KAZN: variants seen among roughly 807,000 people sequenced by gnomAD.
KAZN encodes the protein kazrin.
KAZN carries 40 observed loss-of-function variants against 87.4 expected under a neutral mutation model. The ratio of observed to expected loss-of-function variants is 0.46; its 90% confidence interval spans 0.36 to 0.60. The LOEUF (loss-of-function observed/expected upper bound fraction) is 0.60. KAZN is among the 20% of genes least tolerant of loss of function. The pLI, the probability that KAZN is intolerant of heterozygous loss-of-function variation, is 0.00. For missense variants in KAZN, 898 were observed against 1,073.9 expected, an observed-to-expected ratio of 0.84 and a Z score of 2.29; for synonymous variants, 466 against 458.3, an observed-to-expected ratio of 1.02 and a Z score of -0.22.
At chr1:14,251,169 C>G (rs1389720089) in intron 2 of KAZN, among the ~76,000 whole-genome samples, 4 of 152,162 alleles carry the variant, frequency 2.6e-5, no homozygotes, top group African/African-American at 4.8e-5. Context: ...ATTCCATCCA[C>G]GGAATGGGGA....
intron 1 of KAZN, among the ~76,000 whole-genome samples, chr1:14,621,778 C>T (rs148690633): frequency 6.6e-6 from 1 of 152,336 alleles, no homozygotes; most frequent in Non-Finnish European, 1.5e-5. Flanking sequence ...TAAGATGTGA[C>T]TTTGCGCCTC....
chr1:15,028,656 G>A (rs577895823), intron 2 of KAZN, among the ~76,000 whole-genome samples: 3 of 152,310 alleles, frequency 2.0e-5, no homozygotes, highest in African/African-American at 4.8e-5. Context: ...TTGTGTACAC[G>A]ACAGAACTTG....
intron 1 of KAZN, among the ~76,000 whole-genome samples, chr1:14,050,058 TG>T (rs1390335567): frequency 1.3e-5 from 2 of 151,480 alleles, no homozygotes; most frequent in South Asian, 4.2e-4. Flanking sequence ...TGTGTGGGTG[TG>T]TGGGGGCATG....
intron 1 of KAZN, among the ~76,000 whole-genome samples, chr1:13,990,553 A>C (rs553058299): frequency 6.6e-6 from 1 of 152,206 alleles, no homozygotes; most frequent in Admixed American, 6.5e-5. Flanking sequence ...GAGAGGGGAC[A>C]CGCGGGAGCT....
chr1:13,927,562 G>T (rs1640331775), intron 1 of KAZN, among the ~76,000 whole-genome samples: 1 of 151,988 alleles, frequency 6.6e-6, no homozygotes, highest in African/African-American at 2.4e-5. Context: ...ATCCACTTTG[G>T]ACCTATGTTC....
chr1:14,528,100 T>C (rs535490867), intron 2 of KAZN, among the ~76,000 whole-genome samples: 436 of 151,914 alleles, frequency 2.9e-3, no homozygotes, highest in African/African-American at 0.01. Flanking sequence ...AGCCTCTCCA[T>C]GTGGTTAGCA....
intron 1 of KAZN, among the ~76,000 whole-genome samples, chr1:14,161,207 G>A (rs1452895548): frequency 1.3e-5 from 2 of 152,200 alleles, no homozygotes; most frequent in Non-Finnish European, 2.9e-5. Context: ...ATCTATTGCT[G>A]TATAAGAAAT....
chr1:14,330,552 G>A (rs1454512011), intron 2 of KAZN, among the ~76,000 whole-genome samples: 1 of 152,206 alleles, frequency 6.6e-6, no homozygotes. Context: ...GACCTGTACT[G>A]ATGTGCAATA....
At chr1:14,514,601 A>ATTTT (rs1191341283) in intron 2 of KAZN, among the ~76,000 whole-genome samples, 8 of 34,404 alleles carry the variant, frequency 2.3e-4, no homozygotes, top group African/African-American at 1.3e-3. Flanking sequence ...TATTTTATAT[A>ATTTT]TATATATATA....
intron 2 of KAZN, among the ~76,000 whole-genome samples, chr1:14,198,233 GAGA>G (rs1646567948): frequency 6.6e-6 from 1 of 152,170 alleles, no homozygotes; most frequent in Non-Finnish European, 1.5e-5. Flanking sequence ...CCTAAGAAGG[GAGA>G]AGGATGGTGA....
intron 1 of KAZN, among the ~76,000 whole-genome samples, chr1:14,637,191 C>T (rs1680056895): frequency 6.6e-6 from 1 of 152,098 alleles, no homozygotes; most frequent in Non-Finnish European, 1.5e-5. Flanking sequence ...TGCAGCAGCT[C>T]ATCAGAAAGT....
At chr1:14,235,546 C>T (rs1332058633) in intron 2 of KAZN, among the ~76,000 whole-genome samples, 1 of 152,054 alleles carries the variant, frequency 6.6e-6, no homozygotes, top group East Asian at 1.9e-4. Flanking sequence ...CTGATGGCCG[C>T]ACAACTCTGA....
intron 1 of KAZN, among the ~76,000 whole-genome samples, chr1:14,936,389 T>C (rs997268305): frequency 6.6e-6 from 1 of 152,190 alleles, no homozygotes; most frequent in African/African-American, 2.4e-5. Flanking sequence ...GACCTGTACC[T>C]GGGGCGACCA....
rs142274536 is a variant in KAZN at position 15,065,309 on chromosome 1, T to A, written c.1099-321T>A. 3.2e-4 allele frequency among the ~76,000 whole-genome samples: 48 copies of A among 152,312 alleles called. 1 individual carries two copies. Among genetic ancestry groups the A allele is most frequent in the African/African-American group, 1.1e-3 (45 of 41,564 alleles). On this transcript the variant is annotated intron_variant, in intron 7 of 14. Transcript: ENST00000376030. ...TCCCAAAGTGCTGGGATTACAGGTG[T>A]GAGCCACCGTGCCTGGCCTGTTCTC...
chr1:14,207,471 TTGAAA>T (rs1357544823), intron 2 of KAZN, among the ~76,000 whole-genome samples: 2 of 152,152 alleles, frequency 1.3e-5, no homozygotes, highest in Non-Finnish European at 2.9e-5. Context: ...ATATCAAAAC[TTGAAA>T]TGAAGGCAGA....
chr1:14,886,427 C>T lies in KAZN; in HGVS notation c.227-74257C>T, dbSNP rs114451678. Among the ~76,000 whole-genome samples the T allele has an allele frequency of 7.5e-3, 1,016 of 134,868 alleles. 10 individuals carry two copies. Among genetic ancestry groups the T allele is most frequent in the African/African-American group, 0.025 (938 of 37,322 alleles). 88.5% of individuals were successfully genotyped at this position (134,868 alleles called of 152,430 possible). On this transcript the variant is annotated intron_variant, in intron 1 of 14. Coordinates refer to ENST00000376030, the MANE Select transcript of KAZN (RefSeq NM_201628.3). ...GAACGCATGAGGCCTTGTCTCTATA[C>T]ACACACACATACACACACACACACA...
chr1:13,999,090 C>G (rs1488202772), intron 1 of KAZN, among the ~76,000 whole-genome samples: 1 of 152,186 alleles, frequency 6.6e-6, no homozygotes, highest in African/African-American at 2.4e-5. Context: ...TGGCTCATGC[C>G]TGTAATCCCA....
At chr1:14,164,928 GC>G (rs1293089557) in intron 1 of KAZN, among the ~76,000 whole-genome samples, 1 of 152,140 alleles carries the variant, frequency 6.6e-6, no homozygotes, top group African/African-American at 2.4e-5. Context: ...AGTAGCTGTG[GC>G]TAAAATAAAA....
At chr1:14,217,630 A>AT (rs1252577839) in intron 2 of KAZN, among the ~76,000 whole-genome samples, 1 of 152,148 alleles carries the variant, frequency 6.6e-6, no homozygotes, top group Non-Finnish European at 1.5e-5. Context: ...GAACAAAAAA[A>AT]TACCCAAAAC....
Sources: gnomAD v4.1 joint callset for allele counts (sites outside exome capture counted in the v4.1 genomes callset) on GRCh38, gnomAD v4.1.1 for gene constraint, MANE v1.5 for transcripts, NCBI Gene and HGNC (gene_info 2026-07-23, HGNC 2026-07-21) for gene names.